PCDH11Y: variants seen among roughly 807,000 people sequenced by gnomAD.
PCDH11Y encodes protocadherin 11 Y-linked, also known as protocadherin-11 Y-linked.
For synonymous variants in PCDH11Y, 9 were observed against 83.6 expected, an observed-to-expected ratio of 0.11 and a Z score of 4.87; for missense variants, 12 against 224.8, an observed-to-expected ratio of 0.05 and a Z score of 6.05.
At chrY:5,426,342 G>A (rs2124680027) in intron 2 of PCDH11Y, among the ~76,000 whole-genome samples, 1 of 32,974 alleles carries the variant, frequency 3.0e-5, no homozygotes, top group East Asian at 8.1e-4. Flanking sequence ...GCCAAAGAAT[G>A]CCCTGGCCAG....
chrY:5,689,852 C>T, intron 4 of PCDH11Y, among the ~76,000 whole-genome samples: 1 of 23,615 alleles, frequency 4.2e-5, no homozygotes, highest in African/African-American at 1.7e-4. Context: ...TCTAACTATG[C>T]CTACCCCAGG....
At chrY:5,532,758 A>G in intron 3 of PCDH11Y, among the ~76,000 whole-genome samples, 1 of 27,536 alleles carries the variant, frequency 3.6e-5, no homozygotes, top group Non-Finnish European at 8.5e-5. Context: ...ATTGGATTTA[A>G]TTCTACCATT....
intron 2 of PCDH11Y, among the ~76,000 whole-genome samples, chrY:5,355,451 G>C: frequency 3.2e-5 from 1 of 31,272 alleles, no homozygotes; most frequent in African/African-American, 1.2e-4. Context: ...ATTATTGTTT[G>C]ATATACTCGA....
At chrY:5,662,084 T>A in intron 4 of PCDH11Y, among the ~76,000 whole-genome samples, 3 of 33,148 alleles carry the variant, frequency 9.1e-5, no homozygotes, top group African/African-American at 3.5e-4. Context: ...AAAATATTGT[T>A]TTAGTCTCTT....
At chrY:5,731,017 A>AT (rs2053603962) in intron 4 of PCDH11Y, among the ~76,000 whole-genome samples, 1 of 28,802 alleles carries the variant, frequency 3.5e-5, no homozygotes, top group Admixed American at 3.3e-4. Flanking sequence ...TTCCTAGTAT[A>AT]TTTTTTTTGA....
intron 2 of PCDH11Y, among the ~76,000 whole-genome samples, chrY:5,347,851 A>T (rs1602908920): frequency 2.4e-3 from 80 of 33,225 alleles, no homozygotes; most frequent in African/African-American, 9.3e-3. Context: ...GTGGGCAGTA[A>T]CCATACAATT....
At chrY:5,365,456 T>G in intron 2 of PCDH11Y, among the ~76,000 whole-genome samples, 1 of 33,151 alleles carries the variant, frequency 3.0e-5, no homozygotes, top group Admixed American at 2.8e-4. Flanking sequence ...GACATACTAA[T>G]AAATATGTAT....
chrY:5,533,448 A>G, intron 3 of PCDH11Y, among the ~76,000 whole-genome samples: 5 of 33,692 alleles, frequency 1.5e-4, no homozygotes, highest in East Asian at 1.6e-3. Context: ...TTAGTTTTAT[A>G]TTACCCATTT....
At chrY:5,249,063 G>A (rs2053000926) in intron 2 of PCDH11Y, among the ~76,000 whole-genome samples, 1 of 32,395 alleles carries the variant, frequency 3.1e-5, no homozygotes. Flanking sequence ...ACCATTGCTC[G>A]AGAAATAACA....
At chrY:5,225,678 G>C in intron 2 of PCDH11Y, among the ~76,000 whole-genome samples, 1 of 31,351 alleles carries the variant, frequency 3.2e-5, no homozygotes, top group Non-Finnish European at 7.7e-5. Context: ...ACAATTTTTA[G>C]TTTTTTGAGG....
At chrY:5,217,745 C>T in intron 2 of PCDH11Y, among the ~76,000 whole-genome samples, 2 of 33,748 alleles carry the variant, frequency 5.9e-5, no homozygotes, top group South Asian at 1.3e-3. Flanking sequence ...TTTTGAAAAC[C>T]AGTTTAGATC....
chrY:5,398,643 C>A (rs2053229486), intron 2 of PCDH11Y, among the ~76,000 whole-genome samples: 1 of 32,764 alleles, frequency 3.1e-5, no homozygotes, highest in Non-Finnish European at 7.5e-5. Flanking sequence ...TTACTATTTG[C>A]TTTTTAAGCA....
intron 2 of PCDH11Y, among the ~76,000 whole-genome samples, chrY:5,351,922 C>A: frequency 1.3e-4 from 4 of 29,986 alleles, no homozygotes; most frequent in Non-Finnish European, 3.2e-4. Flanking sequence ...ATTTGAATAC[C>A]CCAATTCCTG....
intron 1 of PCDH11Y, among the ~76,000 whole-genome samples, chrY:5,021,442 C>T: frequency 3.0e-5 from 1 of 33,738 alleles, no homozygotes; most frequent in African/African-American, 1.2e-4. Context: ...GCACAAGAAT[C>T]GCTTGAACAC....
chrY:5,494,823 T>C (rs2053342442), intron 2 of PCDH11Y, among the ~76,000 whole-genome samples: 1 of 31,215 alleles, frequency 3.2e-5, no homozygotes, highest in Non-Finnish European at 7.7e-5. Flanking sequence ...CTGAAGCGAG[T>C]GGATCACAAG....
At chrY:5,647,496 T>C in intron 4 of PCDH11Y, among the ~76,000 whole-genome samples, 1 of 33,421 alleles carries the variant, frequency 3.0e-5, no homozygotes, top group African/African-American at 1.2e-4. Context: ...AGTCCTAAGT[T>C]GTTTTATTTT....
chrY:5,210,828 G>C, intron 2 of PCDH11Y, among the ~76,000 whole-genome samples: 1 of 33,292 alleles, frequency 3.0e-5, no homozygotes, highest in Non-Finnish European at 7.4e-5. Context: ...AGAATTCAAA[G>C]TAGTTTAGAG....
At chrY:5,015,217 C>T (rs2052559752) in intron 1 of PCDH11Y, among the ~76,000 whole-genome samples, 54 of 33,852 alleles carry the variant, frequency 1.6e-3, no homozygotes, top group African/African-American at 6.0e-3. Context: ...CTGGAGCAGA[C>T]ATTTTTAGCC....
intron 2 of PCDH11Y, among the ~76,000 whole-genome samples, chrY:5,390,749 G>C (rs2124675851): frequency 3.1e-5 from 1 of 32,583 alleles, no homozygotes; most frequent in East Asian, 8.1e-4. Context: ...AAGGGAATTT[G>C]GCTAAAAAAG....
Sources: gnomAD v4.1 joint callset for allele counts (sites outside exome capture counted in the v4.1 genomes callset) on GRCh38, gnomAD v4.1.1 for gene constraint, MANE v1.5 for transcripts, NCBI Gene and HGNC (gene_info 2026-07-23, HGNC 2026-07-21) for gene names.